MGRN1: variants seen among roughly 807,000 people sequenced by gnomAD.
MGRN1 encodes E3 ubiquitin-protein ligase MGRN1.
In MGRN1, 29 loss-of-function variants were observed where a neutral mutation model predicts 69.2. That is an observed-to-expected ratio of 0.42 (90% CI 0.31 to 0.57). The LOEUF (loss-of-function observed/expected upper bound fraction) is 0.57. Ranked by LOEUF, MGRN1 falls within the 20% of genes least tolerant of loss-of-function variation. The pLI is 0.15. For missense variants in MGRN1, 998 were observed against 796.2 expected (o/e 1.25, Z -3.05); for synonymous variants, 470 against 344.2 (o/e 1.37, Z -4.04).
At chr16:4,680,121 C>T (rs528792151) in intron 12 of MGRN1, 24 bp downstream of exon 12, 11 of 1,611,002 alleles carry the variant, frequency 6.8e-6, no homozygotes, top group Admixed American at 1.7e-5. Flanking sequence ...CCTCCGGCTA[C>T]GTTTTTTTGC....
chr16:4,627,303 C>G (rs955622704), intron 1 of MGRN1, among the ~76,000 whole-genome samples: 1 of 152,194 alleles, frequency 6.6e-6, no homozygotes, highest in Non-Finnish European at 1.5e-5. Flanking sequence ...TTTTTAACAC[C>G]TAACACTGTC....
At chr16:4,678,147 C>T (rs752671667) in intron 11 of MGRN1, among the ~76,000 whole-genome samples, 1 of 152,218 alleles carries the variant, frequency 6.6e-6, no homozygotes, top group Non-Finnish European at 1.5e-5. Context: ...GCCTCCACCC[C>T]GTGGTTCTTA....
At chr16:4,655,342 T>G (rs1319831961) in intron 4 of MGRN1, among the ~76,000 whole-genome samples, 1 of 152,182 alleles carries the variant, frequency 6.6e-6, no homozygotes, top group East Asian at 1.9e-4. Flanking sequence ...GAGGGTGCCC[T>G]GCCAGCCCTG....
intron 16 of MGRN1, chr16:4,686,655 C>T: frequency 9.0e-7 from 1 of 1,113,966 alleles, no homozygotes; most frequent in Non-Finnish European, 1.1e-6. Context: ...CTGCGGGAGG[C>T]AGGAGCTTGA....
chr16:4,661,362 C>G (rs1025406317), intron 5 of MGRN1, among the ~76,000 whole-genome samples: 1 of 152,204 alleles, frequency 6.6e-6, no homozygotes, highest in East Asian at 1.9e-4. Flanking sequence ...CCTTTCGCAC[C>G]CTTTTCTCCT....
intron 8 of MGRN1, among the ~76,000 whole-genome samples, 198 bp downstream of exon 8, chr16:4,668,510 T>A (rs1360228487): frequency 6.6e-6 from 1 of 151,592 alleles, no homozygotes; most frequent in Admixed American, 6.6e-5. Context: ...TTCACACATA[T>A]ATAGACACAT....
At chr16:4,645,649 C>T (rs1309328570) in intron 1 of MGRN1, among the ~76,000 whole-genome samples, 2 of 152,066 alleles carry the variant, frequency 1.3e-5, no homozygotes, top group Non-Finnish European at 2.9e-5. Context: ...CAGAAGAGGC[C>T]TCGTGGAGAG....
At chr16:4,651,817 T>C in intron 2 of MGRN1, 146 bp from the exon 3 acceptor site, 1 of 708,090 alleles carries the variant, frequency 1.4e-6, no homozygotes, top group Non-Finnish European at 2.5e-6. Flanking sequence ...TACCTGTAAA[T>C]GAGAACAGTG....
At chr16:4,674,993 A>G (rs2079025438) in intron 10 of MGRN1, among the ~76,000 whole-genome samples, 1 of 151,340 alleles carries the variant, frequency 6.6e-6, no homozygotes, top group Non-Finnish European at 1.5e-5. Flanking sequence ...TTATTTTGAG[A>G]CAGAGTCTTA....
chr16:4,657,437 G>C lies in MGRN1; in HGVS notation c.561+74G>C, dbSNP rs536861849. The C allele has an allele frequency of 4.3e-6, 6 of 1,394,216 alleles. No individual in the cohort carries two copies. In the South Asian group the frequency reaches 7.0e-5, roughly 16 times the overall value. The allele number at this position is 1,394,216 out of a possible 1,614,324, so 86.4% of individuals were successfully genotyped here. A position where few individuals can be genotyped will look rare whatever the true frequency, so the allele number is the denominator to read the frequency against. The stretch of plus-strand genomic sequence containing the variant: ...TCCCCTTGGGGGTGGGGCCAGCACA[G>C]TGGGGTCTGTGTGTTTGGCTTCCTC... On this transcript the variant is annotated intron_variant, in intron 5 of 16. Transcript: ENST00000262370.
intron 10 of MGRN1, among the ~76,000 whole-genome samples, chr16:4,674,816 A>C (rs2079021154): frequency 7.4e-6 from 1 of 134,786 alleles, no homozygotes; most frequent in Non-Finnish European, 1.6e-5. Flanking sequence ...AATTTTTTGT[A>C]TTTTTAGTAG....
chr16:4,644,837 G>A (rs1320803113), intron 1 of MGRN1, among the ~76,000 whole-genome samples: 1 of 152,066 alleles, frequency 6.6e-6, no homozygotes, highest in Admixed American at 6.6e-5. Flanking sequence ...ACAAGTCAGT[G>A]ATTTTTGGTA....
At position 4,686,609 on chromosome 16, in the gene MGRN1, A is replaced by G. The variant is rs1596321908; in HGVS notation, c.1619-2187A>G. Reference sequence around the variant, plus strand: ...GAACAGTCCCAGCCCAGGCAGGGAGACAGACACAGCCCAGGTGCGCCAGAG... The same window carrying G: ...GAACAGTCCCAGCCCAGGCAGGGAGGCAGACACAGCCCAGGTGCGCCAGAG... On this transcript the variant is annotated intron_variant, in intron 16 of 16. Coordinates refer to ENST00000262370, the MANE Select transcript of MGRN1 (RefSeq NM_015246.4). 4.1e-6 allele frequency: 5 copies of G among 1,206,166 alleles called. No homozygotes were observed. In the East Asian group the frequency reaches 1.6e-4, roughly 39 times the overall value. 74.7% of individuals were successfully genotyped at this position (1,206,166 alleles called of 1,614,324 possible). A position where few individuals can be genotyped will look rare whatever the true frequency, so the allele number is the denominator to read the frequency against.
At chr16:4,687,549 C>A (rs1259817988) in intron 16 of MGRN1, 1 of 963,458 alleles carries the variant, frequency 1.0e-6, no homozygotes, top group South Asian at 4.9e-5. Flanking sequence ...CCCACTCCAG[C>A]CTGAGACCCT....
chr16:4,689,174 C>A lies in MGRN1; in HGVS notation c.*266C>A. 2.2e-6 allele frequency: 1 copy of A among 446,706 alleles called. No individual in the cohort carries two copies. The highest frequency in any genetic ancestry group is 3.8e-6 in the Non-Finnish European group (1 of 262,324). 27.7% of individuals were successfully genotyped at this position (446,706 alleles called of 1,614,324 possible). ...GTTCAGAGCCCCCGTTCCCCAGGGTCCTGTGGGCTGAGCGGCTGGGGCTGG... is the reference window on the plus strand; with the variant it reads ...GTTCAGAGCCCCCGTTCCCCAGGGTACTGTGGGCTGAGCGGCTGGGGCTGG... On this transcript the variant is annotated 3_prime_UTR_variant, in exon 17 of 17. Transcript: ENST00000262370.
At chr16:4,632,615 C>T (rs369491324) in intron 1 of MGRN1, among the ~76,000 whole-genome samples, 84 of 152,092 alleles carry the variant, frequency 5.5e-4, no homozygotes, top group Non-Finnish European at 8.8e-4. Context: ...AGGATGGTCT[C>T]GATCTCCTGA....
chr16:4,659,683 G>C (rs755755016), intron 5 of MGRN1, among the ~76,000 whole-genome samples: 1 of 152,260 alleles, frequency 6.6e-6, no homozygotes, highest in African/African-American at 2.4e-5. Context: ...GCGCACATAA[G>C]GGGCAGCTGC....
intron 1 of MGRN1, among the ~76,000 whole-genome samples, chr16:4,627,981 G>A (rs1340552821): frequency 2.0e-5 from 3 of 147,214 alleles, no homozygotes; most frequent in Non-Finnish European, 4.5e-5. Flanking sequence ...TCAGGAAGCT[G>A]AGGCAGGAGA....
chr16:4,663,524 A>G (rs1009630020), intron 5 of MGRN1, among the ~76,000 whole-genome samples: 4 of 152,230 alleles, frequency 2.6e-5, no homozygotes, highest in South Asian at 4.1e-4. Context: ...TGAGAAATAA[A>G]TGATTCTTTT....
Sources: allele counts gnomAD v4.1 joint callset (sites outside exome capture counted in the v4.1 genomes callset), GRCh38; gene constraint gnomAD v4.1.1; transcripts MANE v1.5; gene names NCBI Gene and HGNC (gene_info 2026-07-23, HGNC 2026-07-21).